MTUS2: variants seen among roughly 807,000 people sequenced by gnomAD.
The protein encoded by MTUS2 is microtubule associated scaffold protein 2.
A neutral mutation model predicts 114.1 loss-of-function variants in MTUS2; 40 were observed. The ratio of observed to expected loss-of-function variants is 0.35; its 90% CI spans 0.27 to 0.46. The LOEUF is 0.46. Among genes scored for constraint, MTUS2 ranks in the 20% least tolerant of loss-of-function variants. MTUS2 has a pLI of 1.00. For missense variants in MTUS2, 1,679 were observed against 1,705.4 expected (o/e 0.98, Z 0.27); for synonymous variants, 688 against 672.0 (o/e 1.02, Z -0.37).
In MTUS2 at chr13:29,269,606, C is replaced by T. The variant is rs548507072; in HGVS notation, c.2645-12098C>T. On this transcript the variant is annotated intron_variant, in intron 5 of 15. Transcript: ENST00000612955. ...AGAAATAGGAACCTTTGTATACTGTCGGTGAGCGTGTAAAATGGTGCAGCC... is the reference window on the plus strand; with the variant it reads ...AGAAATAGGAACCTTTGTATACTGTTGGTGAGCGTGTAAAATGGTGCAGCC... Among the ~76,000 whole-genome samples, 8 of 152,230 alleles carry T rather than the reference C, an allele frequency of 5.3e-5. No individual in the cohort carries two copies. The South Asian group carries it at 1.0e-3, about 20-fold the overall frequency.
At chr13:28,969,449 ATAT>A (rs772325140) in intron 2 of MTUS2, among the ~76,000 whole-genome samples, 19 of 152,082 alleles carry the variant, frequency 1.2e-4, no homozygotes, top group Non-Finnish European at 2.4e-4. Flanking sequence ...ACCATGAAAT[ATAT>A]TATTATGATG....
chr13:29,102,058 G>A (rs1890440951), intron 5 of MTUS2, among the ~76,000 whole-genome samples: 1 of 152,160 alleles, frequency 6.6e-6, no homozygotes, highest in Admixed American at 6.5e-5. Flanking sequence ...GCTGAGGCCT[G>A]CTTTCACACA....
chr13:28,930,711 A>G (rs540023986), intron 2 of MTUS2, among the ~76,000 whole-genome samples: 2 of 152,302 alleles, frequency 1.3e-5, no homozygotes, highest in Non-Finnish European at 2.9e-5. Context: ...GTAGAATCCC[A>G]CCTGGAAAAT....
intron 8 of MTUS2, among the ~76,000 whole-genome samples, chr13:29,375,556 TAC>T (rs1734605549): frequency 7.8e-5 from 1 of 12,748 alleles, no homozygotes; most frequent in Non-Finnish European, 5.9e-4. Flanking sequence ...TATATATATA[TAC>T]GTATATATAT....
In MTUS2 at chr13:29,094,858, C is replaced by T. The variant is rs368306741; in HGVS notation, c.2447-5915C>T. ...TTTAAGCATTGCTTTAGCTGCTTCC[C>T]GTAAGCTTTGGTATGTCATTCATTT... On this transcript the variant is annotated intron_variant, in intron 4 of 15. Transcript: ENST00000612955. Among the ~76,000 whole-genome samples the T allele has an allele frequency of 2.1e-4, 32 of 152,020 alleles. No individual in the cohort carries two copies. The South Asian group carries it at 5.6e-3, about 27-fold the overall frequency.
At chr13:28,919,368 C>T (rs1880919040) in intron 2 of MTUS2, among the ~76,000 whole-genome samples, 1 of 151,710 alleles carries the variant, frequency 6.6e-6, no homozygotes. Context: ...AGTTTTTTTT[C>T]CCTTCAGCAC....
chr13:29,391,456 A>T (rs920965393), intron 8 of MTUS2, among the ~76,000 whole-genome samples: 1 of 152,158 alleles, frequency 6.6e-6, no homozygotes, highest in Non-Finnish European at 1.5e-5. Context: ...GCAGTGCCTG[A>T]CGGGAATTCC....
chr13:29,301,711 T>A (rs140754723), intron 6 of MTUS2, among the ~76,000 whole-genome samples: 164 of 152,364 alleles, frequency 1.1e-3, no homozygotes, highest in African/African-American at 3.8e-3. Flanking sequence ...TGTTAATGAC[T>A]GGATACACTA....
intron 2 of MTUS2, among the ~76,000 whole-genome samples, chr13:28,844,390 T>G (rs190002983): frequency 5.4e-4 from 82 of 152,290 alleles, no homozygotes; most frequent in African/African-American, 1.8e-3. Context: ...AGCGTCCAGA[T>G]TTTTAAAATG....
intron 9 of MTUS2, among the ~76,000 whole-genome samples, chr13:29,444,448 A>C (rs987776362): frequency 3.3e-5 from 5 of 152,190 alleles, no homozygotes; most frequent in Admixed American, 6.5e-5. Context: ...AACAAACAAA[A>C]AAAAGCCTTT....
chr13:28,935,798 G>T (rs537497742), intron 2 of MTUS2, among the ~76,000 whole-genome samples: 2 of 151,914 alleles, frequency 1.3e-5, no homozygotes, highest in Non-Finnish European at 2.9e-5. Flanking sequence ...TGGGTTGCCC[G>T]AGTGCAGTGG....
rs186185332 is a variant in MTUS2, at chr13:29,297,454, C to T, written c.2806+15589C>T. Among the ~76,000 whole-genome samples the T allele has an allele frequency of 3.9e-4, 60 of 152,314 alleles. 1 individual carries two copies. The highest frequency in any genetic ancestry group is 1.4e-3 in the African/African-American group (57 of 41,578). On this transcript the variant is annotated intron_variant, in intron 6 of 15. Transcript: ENST00000612955. ...TAGTTTAGAGAAATTAAGTAACCCC[C>T]ACACCCCTAGTCATACAACTTCTTT...
chr13:28,885,382 TG>T (rs1878535068), intron 2 of MTUS2, among the ~76,000 whole-genome samples: 1 of 152,202 alleles, frequency 6.6e-6, no homozygotes, highest in African/African-American at 2.4e-5. Flanking sequence ...TCAACATTTA[TG>T]GAAACCTGTT....
At chr13:28,903,201 G>C (rs971932907) in intron 2 of MTUS2, among the ~76,000 whole-genome samples, 1 of 151,866 alleles carries the variant, frequency 6.6e-6, no homozygotes, top group Non-Finnish European at 1.5e-5. Flanking sequence ...CTTTATTCCT[G>C]AATGAGAGTT....
intron 2 of MTUS2, among the ~76,000 whole-genome samples, chr13:28,945,507 A>G (rs1882479473): frequency 6.6e-6 from 1 of 152,094 alleles, no homozygotes; most frequent in Non-Finnish European, 1.5e-5. Flanking sequence ...ATTTTTTGAC[A>G]TTTTAATAAC....
chr13:29,165,471 G>A (rs1039822726), intron 5 of MTUS2, among the ~76,000 whole-genome samples: 10 of 152,274 alleles, frequency 6.6e-5, no homozygotes, highest in Middle Eastern at 3.4e-3. Flanking sequence ...TAAGAGCTGG[G>A]ACTTAAGCCC....
At chr13:29,464,365 G>A (rs1879738849) in intron 9 of MTUS2, among the ~76,000 whole-genome samples, 1 of 152,260 alleles carries the variant, frequency 6.6e-6, no homozygotes, top group Non-Finnish European at 1.5e-5. Flanking sequence ...CCAGGAGTTG[G>A]GGCTTAAGCC....
intron 9 of MTUS2, among the ~76,000 whole-genome samples, chr13:29,448,800 CT>C: frequency 7.7e-6 from 1 of 130,388 alleles, no homozygotes; most frequent in East Asian, 2.7e-4. Context: ...CTCACCCAAA[CT>C]GGAGTGCAGT....
At chr13:28,902,735 T>C (rs1281446807) in intron 2 of MTUS2, among the ~76,000 whole-genome samples, 4 of 152,164 alleles carry the variant, frequency 2.6e-5, no homozygotes, top group East Asian at 1.9e-4. Context: ...ATGTTTAGGA[T>C]TTTTTGTGAC....
Sources: allele counts gnomAD v4.1 joint callset (sites outside exome capture counted in the v4.1 genomes callset), GRCh38; gene constraint gnomAD v4.1.1; transcripts MANE v1.5; gene names NCBI Gene and HGNC (gene_info 2026-07-23, HGNC 2026-07-21).